Variants in TBC1D22A observed in about 807,000 individuals in gnomAD.
TBC1D22A encodes the protein TBC1 domain family member 22A, also known as putative GTPase activator.
A neutral mutation model predicts 60.2 loss-of-function variants in TBC1D22A; 38 were observed. That is an observed-to-expected ratio of 0.63 (90% confidence interval 0.49 to 0.83). The LOEUF is 0.83. TBC1D22A is among the 40% of genes least tolerant of loss of function. The probability of loss-of-function intolerance (pLI) is 0.00; values close to 1 mark genes in which losing one functional copy is unlikely to be tolerated. For missense variants in TBC1D22A, 628 were observed against 701.0 expected, an observed-to-expected ratio of 0.90 and a Z score of 1.18; for synonymous variants, 302 against 281.7, an observed-to-expected ratio of 1.07 and a Z score of -0.72.
At chr22:46,851,072 A>G (rs896567955) in intron 4 of TBC1D22A, among the ~76,000 whole-genome samples, 3 of 152,140 alleles carry the variant, frequency 2.0e-5, no homozygotes, top group African/African-American at 7.2e-5. Flanking sequence ...TGTCGGTGGT[A>G]AGGGTCGCAC....
chr22:46,982,051 G>C (rs2074534661), intron 9 of TBC1D22A, among the ~76,000 whole-genome samples: 1 of 152,122 alleles, frequency 6.6e-6, no homozygotes, highest in Admixed American at 6.5e-5. Flanking sequence ...CATGGTGTGG[G>C]ATCACTCAGA....
chr22:46,762,967 G>A, intron 1 of TBC1D22A, 119 bp downstream of exon 1: 1 of 949,380 alleles, frequency 1.1e-6, no homozygotes, highest in Non-Finnish European at 1.5e-6. Context: ...ACTCTGAGGA[G>A]ACTGCTGGAT....
At chr22:46,858,301 C>T (rs931603656) in intron 4 of TBC1D22A, among the ~76,000 whole-genome samples, 3 of 152,212 alleles carry the variant, frequency 2.0e-5, no homozygotes, top group Non-Finnish European at 2.9e-5. Flanking sequence ...ACATCCTTTG[C>T]CTATTTTTAA....
intron 4 of TBC1D22A, among the ~76,000 whole-genome samples, chr22:46,832,520 C>T (rs571905350): frequency 2.4e-3 from 361 of 152,144 alleles, no homozygotes; most frequent in African/African-American, 8.2e-3. Flanking sequence ...GTGGCGGGCA[C>T]CTGTAATCCC....
chr22:46,762,772 G>A lies in TBC1D22A; in HGVS notation c.-15G>A, dbSNP rs2083143070. On this transcript the variant is annotated 5_prime_UTR_variant, in exon 1 of 13. Coordinates refer to ENST00000337137, the MANE Select transcript of TBC1D22A (RefSeq NM_014346.5). ...GGGGTGTCTGGGCCGCGGGTCTGAG[G>A]GATGAGGAGGGGCCATGGCCAGCGA... 7.0e-7 allele frequency: 1 copy of A among 1,437,004 alleles called. No individual in the cohort carries two copies. Among genetic ancestry groups the A allele is most frequent in the African/African-American group, 1.5e-5 (1 of 65,776 alleles). The allele number at this position is 1,437,004 out of a possible 1,614,324, so 89.0% of individuals were successfully genotyped here. A position where few individuals can be genotyped will look rare whatever the true frequency, so the allele number is the denominator to read the frequency against.
At chr22:47,113,598 G>GAGAGA (rs1308045028) in intron 12 of TBC1D22A, among the ~76,000 whole-genome samples, 1 of 152,234 alleles carries the variant, frequency 6.6e-6, no homozygotes, top group Non-Finnish European at 1.5e-5. Context: ...TGGTTGGGGA[G>GAGAGA]AGAGAACAGT....
Position 47,173,766 on chromosome 22 carries a change from A to T in TBC1D22A, c.*140A>T. 3 of 1,320,868 alleles carry T rather than the reference A, an allele frequency of 2.3e-6. No individual in the cohort carries two copies. The highest frequency in any genetic ancestry group is 3.1e-6 in the Non-Finnish European group (3 of 957,510). 81.8% of individuals were successfully genotyped at this position (1,320,868 alleles called of 1,614,324 possible). A position where few individuals can be genotyped will look rare whatever the true frequency, so the allele number is the denominator to read the frequency against. On this transcript the variant is annotated 3_prime_UTR_variant, in exon 13 of 13. Coordinates refer to ENST00000337137, the MANE Select transcript of TBC1D22A (RefSeq NM_014346.5). ...CCCCACCCTCCAGGGGAGCTGGTGAAGATGGGCCACAGACCTGGTCTAGGG... is the reference window on the plus strand; with the variant it reads ...CCCCACCCTCCAGGGGAGCTGGTGATGATGGGCCACAGACCTGGTCTAGGG...
chr22:46,955,031 G>A (rs1376772969), intron 8 of TBC1D22A, among the ~76,000 whole-genome samples: 1 of 152,134 alleles, frequency 6.6e-6, no homozygotes, highest in African/African-American at 2.4e-5. Context: ...AATAAGACGC[G>A]GCTTTTGAGA....
intron 4 of TBC1D22A, among the ~76,000 whole-genome samples, chr22:46,820,109 C>G (rs2085764609): frequency 6.6e-6 from 1 of 152,068 alleles, no homozygotes; most frequent in South Asian, 2.1e-4. Context: ...TTTATCGTGT[C>G]TCTTTGATTC....
At chr22:46,981,285 G>A (rs983210434) in intron 9 of TBC1D22A, among the ~76,000 whole-genome samples, 1 of 152,182 alleles carries the variant, frequency 6.6e-6, no homozygotes, top group Admixed American at 6.5e-5. Context: ...ATGGTCCTGA[G>A]TGCTTCGTTG....
At chr22:46,987,208 A>G (rs1288069113) in intron 9 of TBC1D22A, among the ~76,000 whole-genome samples, 1 of 152,148 alleles carries the variant, frequency 6.6e-6, no homozygotes, top group African/African-American at 2.4e-5. Flanking sequence ...TCACAAGTCT[A>G]TTCTAATTCA....
At chr22:46,916,818 G>A (rs546127575) in intron 8 of TBC1D22A, among the ~76,000 whole-genome samples, 18 of 152,338 alleles carry the variant, frequency 1.2e-4, no homozygotes, top group African/African-American at 2.9e-4. Context: ...CGACATCACC[G>A]AAGCTTGGGG....
chr22:47,163,177 C>T (rs1470453366), intron 12 of TBC1D22A, among the ~76,000 whole-genome samples: 1 of 152,178 alleles, frequency 6.6e-6, no homozygotes, highest in Non-Finnish European at 1.5e-5. Flanking sequence ...CCTGGCTGCC[C>T]CACCCAGACA....
intron 11 of TBC1D22A, among the ~76,000 whole-genome samples, chr22:47,053,726 A>T (rs1468145881): frequency 6.6e-6 from 1 of 152,250 alleles, no homozygotes; most frequent in Non-Finnish European, 1.5e-5. Context: ...GAGTCAGCTG[A>T]CAACATCACA....
intron 10 of TBC1D22A, among the ~76,000 whole-genome samples, chr22:47,015,735 C>T (rs2061889138): frequency 6.6e-6 from 1 of 152,226 alleles, no homozygotes; most frequent in African/African-American, 2.4e-5. Context: ...CCCTGGCCAC[C>T]AGCCGCCTCG....
intron 7 of TBC1D22A, 136 bp downstream of exon 7, chr22:46,894,982 C>T: frequency 1.2e-6 from 1 of 820,284 alleles, no homozygotes; most frequent in Admixed American, 2.0e-5. Context: ...GTGCATCTAG[C>T]CCTTGTGGAC....
At chr22:46,778,969 T>C (rs2083822099) in intron 1 of TBC1D22A, among the ~76,000 whole-genome samples, 1 of 152,212 alleles carries the variant, frequency 6.6e-6, no homozygotes, top group East Asian at 1.9e-4. Flanking sequence ...GCTTGTACCC[T>C]GGAGGCAGAG....
At chr22:46,915,866 G>A (rs765747939) in intron 8 of TBC1D22A, 8 of 452,410 alleles carry the variant, frequency 1.8e-5, no homozygotes, top group African/African-American at 6.0e-5. Context: ...GCAGCTCTTC[G>A]GGAGTGGCTC....
chr22:47,039,722 A>G (rs991095318), intron 11 of TBC1D22A, among the ~76,000 whole-genome samples: 1 of 150,836 alleles, frequency 6.6e-6, no homozygotes, highest in Non-Finnish European at 1.5e-5. Context: ...AAAAAAAAAA[A>G]AAAAAGAAAT....
Sources: allele counts gnomAD v4.1 joint callset (sites outside exome capture counted in the v4.1 genomes callset), GRCh38; gene constraint gnomAD v4.1.1; transcripts MANE v1.5; gene names NCBI Gene and HGNC (gene_info 2026-07-23, HGNC 2026-07-21).